RAB3C: variants seen among roughly 807,000 people sequenced by gnomAD.
The protein encoded by RAB3C is ras-related protein Rab-3C.
RAB3C carries 17 observed loss-of-function variants against 26.4 expected under a neutral mutation model. The observed-to-expected ratio is 0.64, with a 90% CI of 0.44 to 0.97. RAB3C has a LOEUF of 0.97. RAB3C is among the 50% of genes least tolerant of loss of function. The pLI, the probability that RAB3C is intolerant of heterozygous loss-of-function variation, is 0.00. For missense variants in RAB3C, 242 were observed against 281.9 expected (o/e 0.86, Z 1.01); for synonymous variants, 91 against 95.9 (o/e 0.95, Z 0.30).
chr5:58,664,164 T>G (rs1747957929), intron 2 of RAB3C, among the ~76,000 whole-genome samples: 1 of 152,222 alleles, frequency 6.6e-6, no homozygotes, highest in Non-Finnish European at 1.5e-5. Context: ...CATAGAAATC[T>G]GTACGTACGT....
In RAB3C at chr5:58,639,157, G is replaced by T. The variant is rs116289248; in HGVS notation, c.252+21287G>T. Among the ~76,000 whole-genome samples the T allele has an allele frequency of 6.6e-3, 1,009 of 152,300 alleles. 6 individuals carry two copies. The highest frequency in any genetic ancestry group is 0.011 in the Non-Finnish European group (759 of 68,022). On this transcript the variant is annotated intron_variant, in intron 2 of 4. Transcript: ENST00000282878. ...TGGAAAGCTTTCTGTATGCTTTTCA[G>T]ATAATAGCTGTACTGAAACACCCTT...
intron 3 of RAB3C, among the ~76,000 whole-genome samples, chr5:58,790,936 C>T (rs1481863760): frequency 6.6e-6 from 1 of 152,074 alleles, no homozygotes; most frequent in Admixed American, 6.5e-5. Flanking sequence ...TCAGTTTCCC[C>T]CTTCCATTCT....
chr5:58,765,454 T>C (rs1329501203), intron 3 of RAB3C, among the ~76,000 whole-genome samples: 2 of 152,234 alleles, frequency 1.3e-5, no homozygotes, highest in Admixed American at 6.5e-5. Context: ...ATTTTAGAAA[T>C]GTAACAAACG....
At chr5:58,714,759 A>G (rs114861021) in intron 2 of RAB3C, among the ~76,000 whole-genome samples, 63 of 152,148 alleles carry the variant, frequency 4.1e-4, no homozygotes, top group African/African-American at 1.5e-3. Flanking sequence ...TTATAGGCAT[A>G]ACTTCCAAAT....
At chr5:58,622,437 A>G (rs1228595248) in intron 2 of RAB3C, among the ~76,000 whole-genome samples, 1 of 152,192 alleles carries the variant, frequency 6.6e-6, no homozygotes, top group Non-Finnish European at 1.5e-5. Flanking sequence ...TAAAAAATCT[A>G]AAAATAAAAG....
At chr5:58,615,415 T>C (rs1176851795) in intron 1 of RAB3C, among the ~76,000 whole-genome samples, 1 of 152,156 alleles carries the variant, frequency 6.6e-6, no homozygotes, top group Non-Finnish European at 1.5e-5. Flanking sequence ...CCTGTTTGAA[T>C]TTAGCAGCTC....
At chr5:58,761,067 A>T (rs867180238) in intron 3 of RAB3C, among the ~76,000 whole-genome samples, 119 of 150,830 alleles carry the variant, frequency 7.9e-4, no homozygotes, top group Admixed American at 2.7e-3. Context: ...TCTCTCTCAC[A>T]CACACACACA....
At chr5:58,827,433 A>G (rs911379059) in intron 4 of RAB3C, among the ~76,000 whole-genome samples, 1 of 152,226 alleles carries the variant, frequency 6.6e-6, no homozygotes, top group Non-Finnish European at 1.5e-5. Flanking sequence ...GATACATAGG[A>G]GGCAGGCAAC....
intron 2 of RAB3C, among the ~76,000 whole-genome samples, chr5:58,652,364 G>A: frequency 6.6e-6 from 1 of 151,686 alleles, no homozygotes. Flanking sequence ...TTAATATAGT[G>A]TCTACAATCA....
chr5:58,850,410 G>T (rs1415341752), intron 4 of RAB3C, among the ~76,000 whole-genome samples: 2 of 152,198 alleles, frequency 1.3e-5, no homozygotes. Context: ...GCCCTGGAGG[G>T]CTGTTGGAAT....
At chr5:58,832,983 A>G (rs1056414571) in intron 4 of RAB3C, among the ~76,000 whole-genome samples, 2 of 151,548 alleles carry the variant, frequency 1.3e-5, no homozygotes, top group African/African-American at 4.9e-5. Context: ...CAGGAGTACA[A>G]AAGGAAAATA....
chr5:58,783,047 T>C (rs1011450005), intron 3 of RAB3C, among the ~76,000 whole-genome samples: 1 of 152,174 alleles, frequency 6.6e-6, no homozygotes, highest in Admixed American at 6.6e-5. Flanking sequence ...TTTTCATAAC[T>C]CTTCCTTTTT....
At chr5:58,669,909 G>T (rs1341679321) in intron 2 of RAB3C, among the ~76,000 whole-genome samples, 2 of 152,104 alleles carry the variant, frequency 1.3e-5, no homozygotes, top group Admixed American at 1.3e-4. Context: ...TCCATGGATG[G>T]ATTTGGTGAC....
chr5:58,744,902 G>A (rs527710482), intron 3 of RAB3C, among the ~76,000 whole-genome samples: 2 of 152,148 alleles, frequency 1.3e-5, no homozygotes, highest in Admixed American at 6.6e-5. Context: ...TATTCTCTCC[G>A]ATTTCAGTTT....
At chr5:58,801,943 A>G (rs1035713500) in intron 3 of RAB3C, among the ~76,000 whole-genome samples, 2 of 152,266 alleles carry the variant, frequency 1.3e-5, no homozygotes, top group African/African-American at 2.4e-5. Context: ...ATGGAGCTGC[A>G]TTCTTTTCCA....
At chr5:58,845,612 A>ATATGTGTGTGTGTGTGTG in intron 4 of RAB3C, among the ~76,000 whole-genome samples, 2 of 81,744 alleles carry the variant, frequency 2.4e-5, no homozygotes, top group African/African-American at 5.8e-5. Context: ...ATATATATAT[A>ATATGTGTGTGTGTGTGTG]TGTGTGTGTG....
Position 58,853,361 on chromosome 5 carries a change from A to C in RAB3C, c.*2010A>C, listed in dbSNP as rs953786706. 1.3e-5 allele frequency: 2 copies of C among 152,238 alleles called. No homozygotes were observed. The highest frequency in any genetic ancestry group is 2.9e-5 in the Non-Finnish European group (2 of 68,042). 9.4% of individuals were successfully genotyped at this position (152,238 alleles called of 1,614,324 possible). ...TCACTTTTACAATCTAAAAGGAACT[A>C]ATAAAGCCAGGAAACCCTTCTCATC... On this transcript the variant is annotated 3_prime_UTR_variant, in exon 5 of 5. Coordinates refer to ENST00000282878, the MANE Select transcript of RAB3C (RefSeq NM_138453.4).
At chr5:58,826,237 G>C (rs1490971210) in intron 4 of RAB3C, among the ~76,000 whole-genome samples, 1 of 152,112 alleles carries the variant, frequency 6.6e-6, no homozygotes, top group Non-Finnish European at 1.5e-5. Flanking sequence ...AGGGGAGATG[G>C]AGATCATATG....
At chr5:58,816,127 C>G (rs1449715098) in intron 3 of RAB3C, among the ~76,000 whole-genome samples, 1 of 152,144 alleles carries the variant, frequency 6.6e-6, no homozygotes, top group African/African-American at 2.4e-5. Context: ...CTTTGGGCCC[C>G]TTACTAAGAC....
Sources: gnomAD v4.1 joint callset for allele counts (sites outside exome capture counted in the v4.1 genomes callset) on GRCh38, gnomAD v4.1.1 for gene constraint, MANE v1.5 for transcripts, NCBI Gene and HGNC (gene_info 2026-07-23, HGNC 2026-07-21) for gene names.